MFAP3L: variants seen among roughly 807,000 people sequenced by gnomAD.
MFAP3L encodes microfibrillar-associated protein 3-like.
MFAP3L carries 5 observed loss-of-function variants against 20.0 expected under a neutral mutation model. The observed-to-expected ratio is 0.25, with a 90% CI of 0.13 to 0.53. The LOEUF (loss-of-function observed/expected upper bound fraction) is 0.53, where lower values mean the gene tolerates loss of function less well. Ranked by LOEUF, MFAP3L falls within the 20% of genes least tolerant of loss-of-function variation. MFAP3L has a pLI of 0.96. For synonymous variants in MFAP3L, 219 were observed against 213.0 expected (o/e 1.03, Z -0.25); for missense variants, 409 against 527.5 (o/e 0.78, Z 2.20).
At chr4:170,008,423 T>G (rs1739177358) in intron 1 of MFAP3L, among the ~76,000 whole-genome samples, 1 of 152,340 alleles carries the variant, frequency 6.6e-6, no homozygotes, top group Admixed American at 6.5e-5. Context: ...ACTCTTTCAC[T>G]TCAGATTTTT....
chr4:169,987,078 T>C lies in MFAP3L; in HGVS notation c.*4300A>G, dbSNP rs1389356650. 1.3e-5 allele frequency: 2 copies of C among 152,218 alleles called. No homozygotes were observed. Among genetic ancestry groups the C allele is most frequent in the Non-Finnish European group, 2.9e-5 (2 of 68,020 alleles). The allele number at this position is 152,218 out of a possible 1,614,324, so 9.4% of individuals were successfully genotyped here. On this transcript the variant is annotated 3_prime_UTR_variant, in exon 3 of 3. Coordinates refer to ENST00000361618, the MANE Select transcript of MFAP3L (RefSeq NM_021647.8). The stretch of plus-strand genomic sequence containing the variant: ...GTTAAAGATCATTATCATCCTCATA[T>C]GATATCTTCGTGAATAAAAGATAAA...
chr4:170,015,879 C>T (rs998990309), intron 1 of MFAP3L, among the ~76,000 whole-genome samples: 46 of 152,140 alleles, frequency 3.0e-4, no homozygotes, highest in Admixed American at 4.6e-4. Context: ...CCTCTTCAGA[C>T]CAAGAACTGC....
chr4:169,996,644 G>C (rs1218337724), intron 2 of MFAP3L, among the ~76,000 whole-genome samples: 1 of 152,176 alleles, frequency 6.6e-6, no homozygotes, highest in South Asian at 2.1e-4. Context: ...GAGCACAAGA[G>C]AGAACACTGT....
intron 1 of MFAP3L, among the ~76,000 whole-genome samples, chr4:170,024,137 A>G (rs1740205333): frequency 6.6e-6 from 1 of 152,210 alleles, no homozygotes; most frequent in African/African-American, 2.4e-5. Flanking sequence ...CTTCATGAGC[A>G]GTAATAAAAC....
chr4:170,006,045 A>G, intron 1 of MFAP3L, 35 bp from the exon 2 acceptor site: 3 of 1,378,640 alleles, frequency 2.2e-6, no homozygotes, highest in Middle Eastern at 2.7e-4. Flanking sequence ...ATACACATAA[A>G]CATTAGCATT....
At chr4:170,003,954 T>C in intron 2 of MFAP3L, 2 of 572,326 alleles carry the variant, frequency 3.5e-6, no homozygotes, top group Non-Finnish European at 4.4e-6. Context: ...AAGGTTCTTG[T>C]TATAGCCACT....
chr4:170,012,919 C>T (rs1739473670), intron 1 of MFAP3L, among the ~76,000 whole-genome samples: 1 of 152,172 alleles, frequency 6.6e-6, no homozygotes, highest in South Asian at 2.1e-4. Flanking sequence ...ACTCCAACTA[C>T]ACTAATGTTC....
intron 1 of MFAP3L, among the ~76,000 whole-genome samples, chr4:170,016,734 T>C (rs1739723931): frequency 6.6e-6 from 1 of 152,240 alleles, no homozygotes; most frequent in Admixed American, 6.5e-5. Flanking sequence ...GACCTATTAC[T>C]AACTTACTGC....
intron 2 of MFAP3L, among the ~76,000 whole-genome samples, chr4:170,000,939 T>C (rs1347986992): frequency 1.3e-5 from 2 of 152,202 alleles, no homozygotes; most frequent in East Asian, 3.9e-4. Flanking sequence ...CCCAGGCTGA[T>C]CTTGAATTCC....
intron 1 of MFAP3L, among the ~76,000 whole-genome samples, chr4:170,015,525 T>G (rs1350914578): frequency 6.6e-6 from 1 of 152,188 alleles, no homozygotes; most frequent in East Asian, 1.9e-4. Context: ...TGTGAGAACT[T>G]GTTCTCCATA....
At position 169,990,640 on chromosome 4, in the gene MFAP3L, C is replaced by T. The variant is rs909966569; in HGVS notation, c.*738G>A. On this transcript the variant is annotated 3_prime_UTR_variant, in exon 3 of 3. Coordinates refer to ENST00000361618, the MANE Select transcript of MFAP3L (RefSeq NM_021647.8). ...ATTTTTGACTATTAAAGTGCTATTCCGGGGCAAAGTTTTTCTCAGTTTCGT... is the reference window on the plus strand; with the variant it reads ...ATTTTTGACTATTAAAGTGCTATTCTGGGGCAAAGTTTTTCTCAGTTTCGT... 3.3e-5 allele frequency: 5 copies of T among 152,522 alleles called. No individual in the cohort carries two copies. Among genetic ancestry groups the T allele is most frequent in the African/African-American group, 7.2e-5 (3 of 41,394 alleles). The allele number at this position is 152,522 out of a possible 1,614,324, so 9.4% of individuals were successfully genotyped here.
intron 1 of MFAP3L, among the ~76,000 whole-genome samples, chr4:170,016,912 G>A (rs1235707607): frequency 1.3e-5 from 2 of 152,144 alleles, no homozygotes; most frequent in Non-Finnish European, 2.9e-5. Context: ...GTGAACAGAG[G>A]CTCAGGGTAA....
At chr4:169,999,641 G>C (rs759466439) in intron 2 of MFAP3L, among the ~76,000 whole-genome samples, 1 of 152,144 alleles carries the variant, frequency 6.6e-6, no homozygotes, top group Non-Finnish European at 1.5e-5. Context: ...AATGGATCTG[G>C]AAGGGTCTTT....
chr4:170,025,858 G>A (rs1278991389), intron 1 of MFAP3L, among the ~76,000 whole-genome samples: 2 of 152,176 alleles, frequency 1.3e-5, no homozygotes, highest in African/African-American at 2.4e-5. Context: ...GCACAGCGAT[G>A]AGAGAGATCC....
At chr4:169,993,375 G>A (rs1737881802) in intron 2 of MFAP3L, among the ~76,000 whole-genome samples, 1 of 152,158 alleles carries the variant, frequency 6.6e-6, no homozygotes. Context: ...TCCCCGAGCC[G>A]ACTAGAGAAA....
intron 1 of MFAP3L, among the ~76,000 whole-genome samples, chr4:170,013,853 A>G (rs977968689): frequency 6.6e-6 from 1 of 152,202 alleles, no homozygotes; most frequent in African/African-American, 2.4e-5. Flanking sequence ...TGGCACCACC[A>G]TGGCTCATCG....
intron 2 of MFAP3L, among the ~76,000 whole-genome samples, chr4:170,004,319 G>A (rs1230842227): frequency 6.6e-6 from 1 of 152,096 alleles, no homozygotes; most frequent in African/African-American, 2.4e-5. Flanking sequence ...TTCAATGTGA[G>A]TTCTAATTTA....
intron 1 of MFAP3L, chr4:170,006,489 ATT>A (rs977775030): frequency 1.9e-4 from 29 of 152,350 alleles, no homozygotes; most frequent in African/African-American, 6.5e-4. Context: ...AGAAATCATA[ATT>A]TTGTTTTTTG....
rs570911430 is a variant in MFAP3L at position 170,026,324 on chromosome 4, G to A, written c.-224C>T. On this transcript the variant is annotated 5_prime_UTR_variant, in exon 1 of 3. Transcript: ENST00000361618. ...CGCTGCGCCGCACTCTGCGCCGGAC[G>A]CCCGGTAGCGCCTACTGCGGGCGAG... is the stretch of plus-strand genomic sequence containing the variant. 471 of 977,290 alleles carry A rather than the reference G, an allele frequency of 4.8e-4. 9 individuals carry two copies. In the South Asian group the frequency reaches 0.02, roughly 41 times the overall value. The allele number at this position is 977,290 out of a possible 1,614,324, so 60.5% of individuals were successfully genotyped here. A position where few individuals can be genotyped will look rare whatever the true frequency, so the allele number is the denominator to read the frequency against.
Sources: gnomAD v4.1 joint callset for allele counts (sites outside exome capture counted in the v4.1 genomes callset) on GRCh38, gnomAD v4.1.1 for gene constraint, MANE v1.5 for transcripts, NCBI Gene and HGNC (gene_info 2026-07-23, HGNC 2026-07-21) for gene names.